The following MIOS variants were observed in gnomAD, a reference collection of about 807,000 sequenced individuals.
MIOS encodes GATOR2 complex protein MIOS.
In MIOS, 52 loss-of-function variants were observed where a neutral mutation model predicts 96.9. That is an observed-to-expected ratio of 0.54 (90% CI 0.43 to 0.68). The LOEUF is 0.68. Ranked by LOEUF, MIOS falls within the 30% of genes least tolerant of loss-of-function variation. The pLI, the probability that MIOS is intolerant of heterozygous loss-of-function variation, is 0.00. For synonymous variants in MIOS, 397 were observed against 359.5 expected (o/e 1.10, Z -1.18); for missense variants, 1,005 against 1,052.8 (o/e 0.95, Z 0.63).
intron 3 of MIOS, among the ~76,000 whole-genome samples, chr7:7,571,894 A>G (rs1783367458): frequency 1.3e-5 from 2 of 152,242 alleles, no homozygotes; most frequent in Admixed American, 1.3e-4. Context: ...GGTTATTTAT[A>G]TTAAAATTTG....
At chr7:7,567,549 G>C (rs1339943062) in intron 1 of MIOS, 58 bp from the exon 2 acceptor site, 1 of 152,214 alleles carries the variant, frequency 6.6e-6, no homozygotes, top group African/African-American at 2.4e-5. Flanking sequence ...CCTCACACAT[G>C]TTGTGGACTT....
chr7:7,573,224 T>C lies in MIOS; in HGVS notation c.749T>C (p.Ile250Thr). The change falls in exon 4 of 13, where the codon ATA (isoleucine) becomes ACA (threonine). Residue 250 changes from isoleucine to threonine, a missense_variant. Ile to Thr is a moderately conservative substitution (Grantham distance 89, BLOSUM62 -1). Coordinates refer to ENST00000340080, the MANE Select transcript of MIOS (RefSeq NM_019005.4). This position sits in a 1 kb window ranked among gnomAD's most constrained non-coding sequence, Gnocchi z 5.0. The part of the protein sequence containing the change: ...VASFYEGQVA[I>T]WDLRKFEKPV... ...TCCTTCTATGAAGGTCAGGTTGCAA[T>C]ATGGGATCTTAGAAAATTTGAGAAG... 2 of 1,614,110 alleles carry C rather than the reference T, an allele frequency of 1.2e-6. No homozygotes were observed. Among genetic ancestry groups the C allele is most frequent in the Non-Finnish European group, 1.7e-6 (2 of 1,179,980 alleles).
intron 3 of MIOS, among the ~76,000 whole-genome samples, chr7:7,569,452 C>T (rs1355421481): frequency 4.6e-5 from 7 of 152,164 alleles, no homozygotes; most frequent in South Asian, 4.1e-4. Context: ...AAATCTTGGC[C>T]GGAGCCAGCC....
rs1783417446 is a variant in MIOS, at chr7:7,573,358, T to G, written c.883T>G (p.Leu295Val). 6.2e-7 allele frequency: 1 copy of G among 1,614,102 alleles called. No individual in the cohort carries two copies. Among genetic ancestry groups the G allele is most frequent in the Non-Finnish European group, 8.5e-7 (1 of 1,179,952 alleles). Residue 295 changes from leucine to valine, a missense_variant, in exon 4 of 13, where the codon TTG (leucine) becomes GTG (valine). Transcript: ENST00000340080. This position sits in a 1 kb window ranked among gnomAD's most constrained non-coding sequence, Gnocchi z 5.0. ...TLTRDSNIIR[L>V]YDMQHTPTPI... Reference sequence around the variant, plus strand: ...AACAAGGGATAGTAATATTATTAGATTGTATGATATGCAGCATACACCCAC... The same window carrying G: ...AACAAGGGATAGTAATATTATTAGAGTGTATGATATGCAGCATACACCCAC...
intron 9 of MIOS, among the ~76,000 whole-genome samples, chr7:7,593,775 C>T (rs559842824): frequency 6.7e-6 from 1 of 149,804 alleles, no homozygotes; most frequent in East Asian, 2.0e-4. Context: ...GTAATCCCAG[C>T]TACTCAAGCA....
At chr7:7,590,224 T>G (rs1177653388) in intron 9 of MIOS, among the ~76,000 whole-genome samples, 1 of 152,054 alleles carries the variant, frequency 6.6e-6, no homozygotes, top group Non-Finnish European at 1.5e-5. Flanking sequence ...GTGTACTGGG[T>G]GAACACAGGA....
chr7:7,597,714 T>C (rs1784259245), intron 11 of MIOS, among the ~76,000 whole-genome samples: 1 of 151,878 alleles, frequency 6.6e-6, no homozygotes, highest in Non-Finnish European at 1.5e-5. Context: ...TGTTTTGTTT[T>C]TTGAGACAGG....
intron 12 of MIOS, 58 bp from the exon 13 acceptor site, chr7:7,606,938 A>G: frequency 7.8e-7 from 1 of 1,280,192 alleles, no homozygotes; most frequent in Non-Finnish European, 1.1e-6. Flanking sequence ...TAAATAAATA[A>G]ATAAATGTAT....
intron 3 of MIOS, among the ~76,000 whole-genome samples, chr7:7,569,888 C>G (rs1018274537): frequency 2.0e-5 from 3 of 152,094 alleles, no homozygotes; most frequent in East Asian, 1.9e-4. Context: ...GGTATATACT[C>G]TAGGAAGTGG....
intron 9 of MIOS, 88 bp from the exon 10 acceptor site, chr7:7,594,892 G>C (rs1784159774): frequency 2.7e-6 from 2 of 735,912 alleles, no homozygotes; most frequent in Admixed American, 6.6e-5. Flanking sequence ...TATTTCTTCT[G>C]TGTTACTCAT....
rs756172088 is a variant in MIOS at position 7,585,843 on chromosome 7, A to G, written c.1818+38A>G. On this transcript the variant is annotated intron_variant, in intron 7 of 12. Transcript: ENST00000340080. ...GTTTTTTAAGATCTTCCTTTGAATT[A>G]AGATAGGAGTTTTTATCTAACTTTA... is the stretch of plus-strand genomic sequence containing the variant. 1.8e-5 allele frequency: 28 copies of G among 1,516,682 alleles called. No homozygotes were observed. The Middle Eastern group carries it at 7.0e-4, about 38-fold the overall frequency. The allele number at this position is 1,516,682 out of a possible 1,614,324, so 94.0% of individuals were successfully genotyped here.
intron 5 of MIOS, among the ~76,000 whole-genome samples, chr7:7,579,496 T>G (rs1041848842): frequency 2.6e-5 from 4 of 152,224 alleles, no homozygotes; most frequent in African/African-American, 7.2e-5. Flanking sequence ...GTTTAGGTAC[T>G]CAAATACTTA....
At position 7,573,634 on chromosome 7, in the gene MIOS, GA is replaced by G. The variant is rs1783427013; in HGVS notation, c.1164del (p.Asp389IlefsTer2). On this transcript the variant is annotated frameshift_variant, in exon 4 of 13. Transcript: ENST00000340080. LOFTEE classifies it high-confidence loss of function. This position sits in a 1 kb window ranked among gnomAD's most constrained non-coding sequence, Gnocchi z 5.0. ...GGAAGAAGAAAATGATAATTCTTTA[GA>G]AAAAGATATAGCAACGAAGATGCGT... Reference protein sequence around the residue: ...CTEEENDNSLEKDIATKMRLR... With the variant: ...CTEEENDNSLXKDIATKMRLR... The G allele has an allele frequency of 6.2e-7, 1 of 1,613,986 alleles. No homozygotes were observed. Among genetic ancestry groups the G allele is most frequent in the Non-Finnish European group, 8.5e-7 (1 of 1,179,918 alleles).
In MIOS at chr7:7,583,254, A is replaced by G. The variant is rs201122202; in HGVS notation, c.1530A>G (p.Pro510=). The change falls in exon 6 of 13, where the codon CCA becomes CCG. Residue 510 remains proline (P), a synonymous_variant. Coordinates refer to ENST00000340080, the MANE Select transcript of MIOS (RefSeq NM_019005.4). The part of the protein sequence containing the change: ...IKKGTDVDVG[P]FLNSLVQEGE... ...AAGGAACGGATGTAGACGTGGGGCC[A>G]TTTTTGAACTCCCTTGTACAAGAAG... 1.7e-4 allele frequency: 273 copies of G among 1,614,028 alleles called. 1 individual carries two copies. The highest frequency in any genetic ancestry group is 4.4e-5 in the Non-Finnish European group (52 of 1,180,020).
chr7:7,573,508 C>G lies in MIOS; in HGVS notation c.1033C>G (p.Arg345Gly). The change falls in exon 4 of 13, where the codon CGA (arginine) becomes GGA (glycine). Residue 345 changes from arginine (R) to glycine (G), a missense_variant. Transcript: ENST00000340080. This position sits in a 1 kb window ranked among gnomAD's most constrained non-coding sequence, Gnocchi z 5.0. ...QNRMIVVTPN[R>G]TMSDFTVFER... ...TCGAATGATAGTTGTAACTCCCAAC[C>G]GAACAATGTCAGACTTCACTGTTTT... The G allele has an allele frequency of 1.2e-6, 2 of 1,614,134 alleles. No homozygotes were observed. Among genetic ancestry groups the G allele is most frequent in the Non-Finnish European group, 1.7e-6 (2 of 1,179,950 alleles).
At chr7:7,602,158 T>G (rs111847725) in intron 11 of MIOS, among the ~76,000 whole-genome samples, 4,516 of 152,256 alleles carry the variant, frequency 0.03, 128 homozygotes, top group African/African-American at 0.067. Flanking sequence ...CTTTGAAAAC[T>G]GGCACAAGAC....
intron 9 of MIOS, among the ~76,000 whole-genome samples, chr7:7,594,514 C>T (rs1343635769): frequency 6.6e-6 from 1 of 152,044 alleles, no homozygotes; most frequent in East Asian, 1.9e-4. Flanking sequence ...AGGCTGGTCT[C>T]GAACTCCTGA....
intron 9 of MIOS, among the ~76,000 whole-genome samples, chr7:7,593,885 AAAAAAAAAAAG>A (rs775850116): frequency 0.14 from 19,867 of 140,310 alleles, 1,648 homozygotes; most frequent in East Asian, 0.28. Flanking sequence ...TCTCCAAAAA[AAAAAAAAAAAG>A]AAAAAGAAAA....
intron 11 of MIOS, 41 bp downstream of exon 11, chr7:7,596,502 G>C: frequency 6.5e-7 from 1 of 1,539,530 alleles, no homozygotes; most frequent in Non-Finnish European, 9.0e-7. Context: ...GAACTGAAAT[G>C]ATTCTTACAT....
Sources: gnomAD v4.1 joint callset for allele counts (sites outside exome capture counted in the v4.1 genomes callset) on GRCh38, gnomAD v4.1.1 for gene constraint, Gnocchi (gnomAD v3.1) non-coding constraint, MANE v1.5 for transcripts, NCBI Gene and HGNC (gene_info 2026-07-23, HGNC 2026-07-21) for gene names.